ELOF1: variants seen among roughly 807,000 people sequenced by gnomAD.
The protein encoded by ELOF1 is transcription elongation factor 1 homolog.
Under a neutral mutation model 7.1 loss-of-function variants are expected in ELOF1, and 4 were observed. The observed-to-expected ratio is 0.56, with a 90% confidence interval of 0.28 to 1.29. ELOF1 has a LOEUF of 1.29. Among genes scored for constraint, ELOF1 ranks in the 50% most tolerant of loss-of-function variants. ELOF1 has a pLI of 0.10. For missense variants in ELOF1, 59 were observed against 86.3 expected (o/e 0.68, Z 1.25); for synonymous variants, 31 against 31.9 (o/e 0.97, Z 0.09).
At chr19:11,554,452 C>G in intron 1 of ELOF1, 87 bp from the exon 2 acceptor site, 1 of 1,526,042 alleles carries the variant, frequency 6.6e-7, no homozygotes, top group Non-Finnish European at 8.8e-7. Context: ...GAAAGAGGGT[C>G]TGGGACTTGC....
rs761022300 is a variant in ELOF1, at chr19:11,553,713, C to T, written c.187+298G>A. ...ACCGAACAGCTGGATCCACAGTACG[C>T]GGGGCTGCTCAGGGGGCGGGTCCTC... On this transcript the variant is annotated intron_variant, in intron 3 of 3. Coordinates refer to ENST00000586683, the Ensembl canonical transcript of ELOF1. The T allele has an allele frequency of 9.9e-6, 16 of 1,613,794 alleles. 1 individual carries two copies. The highest frequency in any genetic ancestry group is 6.7e-5 in the Admixed American group (4 of 59,986).
At chr19:11,556,089 G>A (rs987126758) in intron 1 of ELOF1, among the ~76,000 whole-genome samples, 1 of 152,076 alleles carries the variant, frequency 6.6e-6, no homozygotes, top group South Asian at 2.1e-4. Flanking sequence ...TTACCACTGA[G>A]CCCAACTCCC....
rs72620552 is a variant in ELOF1, at chr19:11,553,206, G to A, written c.188-151C>T. 0.039 allele frequency: 15,784 copies of A among 400,104 alleles called. 2,646 individuals carry two copies. In the East Asian group the frequency reaches 0.41, roughly 11 times the overall value. The allele number at this position is 400,104 out of a possible 1,614,324, so 24.8% of individuals were successfully genotyped here. ...GGCCCAGCCCAGGGACCTGGGGAACGGCGGCTTTGAATCCCCGGCCACGGG... is the reference window on the plus strand; with the variant it reads ...GGCCCAGCCCAGGGACCTGGGGAACAGCGGCTTTGAATCCCCGGCCACGGG... On this transcript the variant is annotated intron_variant, in intron 3 of 3. Transcript: ENST00000586683.
At chr19:11,553,957 C>G in intron 3 of ELOF1, 54 bp downstream of exon 3, 2 of 1,612,718 alleles carry the variant, frequency 1.2e-6, no homozygotes, top group Non-Finnish European at 1.7e-6. Context: ...GAGCAGGGTC[C>G]GGACTCCAGC....
intron 3 of ELOF1, chr19:11,553,797 G>A (rs758682982): frequency 2.6e-5 from 42 of 1,614,032 alleles, no homozygotes; most frequent in African/African-American, 9.3e-5. Context: ...ACACATCCAC[G>A]GGTTCTGACA....
At chr19:11,556,551 G>A (rs1172717343) in intron 1 of ELOF1, among the ~76,000 whole-genome samples, 2 of 152,016 alleles carry the variant, frequency 1.3e-5, no homozygotes, top group Non-Finnish European at 2.9e-5. Context: ...CGCCTGTCTC[G>A]GCCTCCCAAA....
chr19:11,557,151 A>G (rs1257378819), intron 1 of ELOF1, among the ~76,000 whole-genome samples: 1 of 151,898 alleles, frequency 6.6e-6, no homozygotes, highest in Non-Finnish European at 1.5e-5. Flanking sequence ...GCAAATCCCA[A>G]TGGCAGTCCT....
chr19:11,553,969 C>T (rs1443273731), intron 3 of ELOF1, 42 bp downstream of exon 3: 2 of 1,613,826 alleles, frequency 1.2e-6, no homozygotes, highest in Non-Finnish European at 1.7e-6. Context: ...GACTCCAGCC[C>T]CCTCCCCACC....
rs1972800729 is a variant in ELOF1, at chr19:11,554,605, G to A, written c.-18-240C>T. 4 of 540,704 alleles carry A rather than the reference G, an allele frequency of 7.4e-6. No homozygotes were observed. The East Asian group carries it at 1.2e-4, about 16-fold the overall frequency. The allele number at this position is 540,704 out of a possible 1,614,324, so 33.5% of individuals were successfully genotyped here. A position where few individuals can be genotyped will look rare whatever the true frequency, so the allele number is the denominator to read the frequency against. On this transcript the variant is annotated intron_variant, in intron 1 of 3. Coordinates refer to ENST00000586683, the Ensembl canonical transcript of ELOF1. ...CTCACTTACTGCGTGACCTGGGCAGGTTATTTAAGCTCTTTGTGCCACAGT... is the reference window on the plus strand; with the variant it reads ...CTCACTTACTGCGTGACCTGGGCAGATTATTTAAGCTCTTTGTGCCACAGT...
chr19:11,554,464 C>T (rs376294518), intron 1 of ELOF1, 99 bp from the exon 2 acceptor site: 2 of 1,488,542 alleles, frequency 1.3e-6, no homozygotes, highest in East Asian at 2.4e-5. Context: ...GGGACTTGCA[C>T]CGTGGTCCCG....
chr19:11,553,592 CACACACACACACACA>C (rs1972770511), intron 3 of ELOF1: 1 of 281,236 alleles, frequency 3.6e-6, no homozygotes, highest in African/African-American at 1.5e-4. Context: ...TACACACACA[CACACACACACACACA>C]CACACACACA....
intron 3 of ELOF1, chr19:11,553,523 G>A (rs1481001507): frequency 1.4e-5 from 9 of 625,042 alleles, no homozygotes; most frequent in Admixed American, 2.7e-5. Context: ...CCACCCCAGT[G>A]ACACGTGCAG....
At position 11,553,367 on chromosome 19, in the gene ELOF1, C is replaced by T. The variant is rs370295417; in HGVS notation, c.188-312G>A. The T allele has an allele frequency of 1.5e-3, 693 of 455,008 alleles. 23 individuals carry two copies. In the South Asian group the frequency reaches 0.031, roughly 20 times the overall value. The allele number at this position is 455,008 out of a possible 1,614,324, so 28.2% of individuals were successfully genotyped here. On this transcript the variant is annotated intron_variant, in intron 3 of 3. Coordinates refer to ENST00000586683, the Ensembl canonical transcript of ELOF1. ...ATGTCAGGAAACAGTCCCCCAATTC[C>T]GCCGGGGGGAGCCAGAGCCCCAAGG...
At chr19:11,554,123 T>A (rs756276387) in intron 2 of ELOF1, 42 bp from the exon 3 acceptor site, 1 of 1,614,136 alleles carries the variant, frequency 6.2e-7, no homozygotes, top group South Asian at 1.1e-5. Context: ...CAATGCGTCC[T>A]GGGCCTGTGG....
At chr19:11,553,699 G>A (rs1972775357) in intron 3 of ELOF1, 2 of 1,612,280 alleles carry the variant, frequency 1.2e-6, no homozygotes, top group Non-Finnish European at 1.7e-6. Flanking sequence ...CCGAACAGCT[G>A]GATCCACAGT....
chr19:11,553,569 C>CT, intron 3 of ELOF1: 1 of 728,950 alleles, frequency 1.4e-6, no homozygotes, highest in Non-Finnish European at 2.3e-6. Flanking sequence ...CCCACACCCA[C>CT]ACGCACACCC....
intron 3 of ELOF1, chr19:11,553,070 G>A: frequency 2.5e-6 from 1 of 399,860 alleles, no homozygotes; most frequent in Non-Finnish European, 4.4e-6. Flanking sequence ...TTTATTTAAG[G>A]GCTTGTGATT....
chr19:11,556,891 T>C (rs1239103736), intron 1 of ELOF1, among the ~76,000 whole-genome samples: 2 of 152,146 alleles, frequency 1.3e-5, no homozygotes, highest in Non-Finnish European at 2.9e-5. Context: ...CAAAAACAAT[T>C]TGTTCATTCT....
At chr19:11,556,579 G>T (rs138387976) in intron 1 of ELOF1, among the ~76,000 whole-genome samples, 1 of 151,998 alleles carries the variant, frequency 6.6e-6, no homozygotes, top group African/African-American at 2.4e-5. Flanking sequence ...GATTACAGGC[G>T]TGAGCCACCA....
Sources: allele counts gnomAD v4.1 joint callset (sites outside exome capture counted in the v4.1 genomes callset), GRCh38; gene constraint gnomAD v4.1.1; transcripts MANE v1.5; gene names NCBI Gene and HGNC (gene_info 2026-07-23, HGNC 2026-07-21).